Variants in TIGAR observed in about 807,000 individuals in gnomAD.
The protein encoded by TIGAR is TP53 induced glycolysis regulatory phosphatase.
A neutral mutation model predicts 17.9 loss-of-function variants in TIGAR; 7 were observed. The ratio of observed to expected loss-of-function variants is 0.39; its 90% CI spans 0.22 to 0.73. The LOEUF (loss-of-function observed/expected upper bound fraction) is 0.73. TIGAR is among the 30% of genes least tolerant of loss of function. The probability of loss-of-function intolerance (pLI) is 0.42; values close to 1 mark genes in which losing one functional copy is unlikely to be tolerated. For missense variants in TIGAR, 258 were observed against 327.4 expected, an observed-to-expected ratio of 0.79 and a Z score of 1.64; for synonymous variants, 94 against 108.6, an observed-to-expected ratio of 0.87 and a Z score of 0.84.
chr12:4,352,166 A>G (rs1864843513), intron 5 of TIGAR, 94 bp from the exon 6 acceptor site: 2 of 1,056,852 alleles, frequency 1.9e-6, no homozygotes, highest in Non-Finnish European at 2.7e-6. Context: ...GGCATTCAAT[A>G]TTAGAAAAAA....
At chr12:4,336,508 A>C (rs557818398) in intron 2 of TIGAR, among the ~76,000 whole-genome samples, 1 of 149,650 alleles carries the variant, frequency 6.7e-6, no homozygotes, top group South Asian at 2.1e-4. Context: ...ACACACATAC[A>C]CCATTTAGAT....
chr12:4,348,187 A>G (rs1027367713), intron 3 of TIGAR, among the ~76,000 whole-genome samples: 1 of 152,178 alleles, frequency 6.6e-6, no homozygotes, highest in Non-Finnish European at 1.5e-5. Flanking sequence ...ATTAGAAGAC[A>G]TGAAGAGCAT....
intron 1 of TIGAR, among the ~76,000 whole-genome samples, chr12:4,330,038 A>G (rs555503614): frequency 2.4e-4 from 36 of 152,250 alleles, no homozygotes; most frequent in African/African-American, 8.2e-4. Flanking sequence ...GAACATTCAT[A>G]TTGGCCAAAT....
At chr12:4,342,111 C>T (rs939798745) in intron 3 of TIGAR, among the ~76,000 whole-genome samples, 9 of 151,922 alleles carry the variant, frequency 5.9e-5, no homozygotes, top group African/African-American at 1.5e-4. Context: ...GTAGCCAATT[C>T]GATCAACTGG....
At chr12:4,331,146 G>T in intron 1 of TIGAR, 134 bp from the exon 2 acceptor site, 1 of 770,102 alleles carries the variant, frequency 1.3e-6, no homozygotes, top group Non-Finnish European at 2.2e-6. Context: ...GTTTTTACAG[G>T]TTGGATTATG....
chr12:4,332,626 C>A (rs1393990130), intron 2 of TIGAR, among the ~76,000 whole-genome samples: 1 of 152,184 alleles, frequency 6.6e-6, no homozygotes, highest in Non-Finnish European at 1.5e-5. Context: ...GCATTCAGCA[C>A]CAAGTATTTT....
intron 1 of TIGAR, among the ~76,000 whole-genome samples, chr12:4,327,071 T>A (rs1864553408): frequency 6.6e-6 from 1 of 152,054 alleles, no homozygotes; most frequent in Non-Finnish European, 1.5e-5. Flanking sequence ...AGCTTCAGAG[T>A]GCTCACCCAG....
rs1591666178 is a variant in TIGAR, at chr12:4,351,291, G to A, written c.295G>A (p.Ala99Thr). Residue 99 changes from alanine (A) to threonine (T), a missense_variant, in exon 5 of 6, where the codon GCG (alanine) becomes ACG (threonine). Coordinates refer to ENST00000179259, the MANE Select transcript of TIGAR (RefSeq NM_020375.3). Reference protein sequence around the residue: ...ERKYGVVEGKALSELRAMAKA... With the variant: ...ERKYGVVEGKTLSELRAMAKA... ...GAAATACGGGGTTGTAGAAGGCAAA[G>A]CGCTAAGTGAGCTGAGGGCCATGGC... 17 of 1,614,178 alleles carry A rather than the reference G, an allele frequency of 1.1e-5. No individual in the cohort carries two copies. Among genetic ancestry groups the A allele is most frequent in the Non-Finnish European group, 1.4e-5 (17 of 1,180,032 alleles).
intron 3 of TIGAR, among the ~76,000 whole-genome samples, chr12:4,348,385 T>C (rs565339993): frequency 1.3e-5 from 2 of 152,268 alleles, no homozygotes; most frequent in East Asian, 3.9e-4. Flanking sequence ...ATAGCAAAAT[T>C]GCAAGACTCC....
intron 1 of TIGAR, among the ~76,000 whole-genome samples, chr12:4,328,389 A>G (rs1864569143): frequency 6.6e-6 from 1 of 151,620 alleles, no homozygotes; most frequent in African/African-American, 2.4e-5. Flanking sequence ...ACAGGATTCT[A>G]CCATGTTGGC....
chr12:4,344,069 C>T (rs1032556002), intron 3 of TIGAR, among the ~76,000 whole-genome samples: 8 of 152,126 alleles, frequency 5.3e-5, no homozygotes, highest in East Asian at 1.9e-4. Flanking sequence ...CACAGAAATA[C>T]GAACTACCAT....
At position 4,356,269 on chromosome 12, in the gene TIGAR, T is replaced by A. The variant is rs1227086771; in HGVS notation, c.*3578T>A. On this transcript the variant is annotated 3_prime_UTR_variant, in exon 6 of 6. Transcript: ENST00000179259. ...TAACTAAGGAGCCTGGACATTGAAT[T>A]TCTAGGTTAGCTTAGGATTTCTCAT... Among the ~76,000 whole-genome samples, 1 of 152,190 alleles carries A rather than the reference T, an allele frequency of 6.6e-6. No individual in the cohort carries two copies. Among genetic ancestry groups the A allele is most frequent in the Non-Finnish European group, 1.5e-5 (1 of 68,034 alleles).
chr12:4,324,724 G>T, intron 1 of TIGAR: 2 of 643,902 alleles, frequency 3.1e-6, no homozygotes, highest in East Asian at 6.2e-5. Context: ...CTGCTCGCAG[G>T]ACACGTCCCG....
rs1864903095 is a variant in TIGAR at position 4,356,490 on chromosome 12, G to T, written c.*3799G>T. Among the ~76,000 whole-genome samples the T allele has an allele frequency of 1.3e-5, 2 of 151,940 alleles. No homozygotes were observed. Among genetic ancestry groups the T allele is most frequent in the African/African-American group, 4.8e-5 (2 of 41,352 alleles). ...TAGAGAGATTTCCCATCTATCCCCT[G>T]CCCCTACACACGCATTGCTTCTCCT... On this transcript the variant is annotated 3_prime_UTR_variant, in exon 6 of 6. Transcript: ENST00000179259.
At chr12:4,336,477 C>G (rs112507908) in intron 2 of TIGAR, among the ~76,000 whole-genome samples, 16,062 of 151,020 alleles carry the variant, frequency 0.11, 1,222 homozygotes, top group African/African-American at 0.21. Flanking sequence ...CACACACACA[C>G]ACACACACAC....
At chr12:4,338,982 A>G (rs961764494) in intron 3 of TIGAR, among the ~76,000 whole-genome samples, 13 of 147,450 alleles carry the variant, frequency 8.8e-5, no homozygotes, top group Non-Finnish European at 1.5e-4. Flanking sequence ...TCTCACAAAA[A>G]AAAAAAAAAA....
intron 3 of TIGAR, among the ~76,000 whole-genome samples, chr12:4,346,768 T>TA (rs533728739): frequency 0.019 from 2,916 of 150,698 alleles, 59 homozygotes; most frequent in Non-Finnish European, 0.024. Flanking sequence ...AAATATATAT[T>TA]AAAAAAAAAT....
Position 4,356,637 on chromosome 12 carries a change from G to C in TIGAR, c.*3946G>C, listed in dbSNP as rs1864905680. Among the ~76,000 whole-genome samples the C allele has an allele frequency of 2.0e-5, 3 of 152,160 alleles. No individual in the cohort carries two copies. Among genetic ancestry groups the C allele is most frequent in the African/African-American group, 7.2e-5 (3 of 41,424 alleles). On this transcript the variant is annotated 3_prime_UTR_variant, in exon 6 of 6. Coordinates refer to ENST00000179259, the MANE Select transcript of TIGAR (RefSeq NM_020375.3). Reference sequence around the variant, plus strand: ...TTAGGGTTCATTCTTGGTGTTGCATGATCTGTGGGTTTGGACAAACGTATG... The same window carrying C: ...TTAGGGTTCATTCTTGGTGTTGCATCATCTGTGGGTTTGGACAAACGTATG...
chr12:4,334,348 T>C (rs763126608), intron 2 of TIGAR, among the ~76,000 whole-genome samples: 1 of 152,182 alleles, frequency 6.6e-6, no homozygotes, highest in Non-Finnish European at 1.5e-5. Flanking sequence ...AGAACACTTA[T>C]AAGGACACTA....
Sources: gnomAD v4.1 joint callset for allele counts (sites outside exome capture counted in the v4.1 genomes callset) on GRCh38, gnomAD v4.1.1 for gene constraint, MANE v1.5 for transcripts, NCBI Gene and HGNC (gene_info 2026-07-23, HGNC 2026-07-21) for gene names.